The following CHST15 variants were observed in gnomAD, a reference collection of about 807,000 sequenced individuals.
The protein encoded by CHST15 is B cell RAG associated protein (GALNAC4S-6ST).
CHST15 carries 30 observed loss-of-function variants against 53.6 expected under a neutral mutation model. That is an observed-to-expected ratio of 0.56 (90% confidence interval 0.42 to 0.76). The LOEUF is 0.76. CHST15 is among the 30% of genes least tolerant of loss of function. CHST15 has a pLI of 0.00. For synonymous variants in CHST15, 296 were observed against 289.8 expected (o/e 1.02, Z -0.22); for missense variants, 627 against 740.5 (o/e 0.85, Z 1.78).
intron 1 of CHST15, among the ~76,000 whole-genome samples, chr10:124,080,120 G>A (rs538303544): frequency 6.6e-6 from 1 of 152,330 alleles, no homozygotes; most frequent in South Asian, 2.1e-4. Context: ...AGCAGCTGCA[G>A]GCCAGCGAGC....
chr10:124,025,335 C>T (rs4929830), intron 5 of CHST15, among the ~76,000 whole-genome samples: 48,538 of 152,102 alleles, frequency 0.32, 7,957 homozygotes, highest in East Asian at 0.48. Flanking sequence ...CTCACTACCT[C>T]ACTTCCTGTG....
chr10:124,026,569 G>T (rs1025652911), intron 5 of CHST15, among the ~76,000 whole-genome samples: 2 of 152,214 alleles, frequency 1.3e-5, no homozygotes, highest in Admixed American at 6.5e-5. Flanking sequence ...ATGAGGAAGT[G>T]GGGGAAGGAG....
Position 124,008,883 on chromosome 10 carries a change from A to T in CHST15, c.*1266T>A. 1 of 1,277,722 alleles carries T rather than the reference A, an allele frequency of 7.8e-7. No individual in the cohort carries two copies. Among genetic ancestry groups the T allele is most frequent in the Non-Finnish European group, 1.0e-6 (1 of 979,536 alleles). The allele number at this position is 1,277,722 out of a possible 1,614,324, so 79.1% of individuals were successfully genotyped here. On this transcript the variant is annotated 3_prime_UTR_variant, in exon 8 of 8. Transcript: ENST00000435907. ...TTCCCTGTGACTTCCAAGAAACGAC[A>T]AGATCTCTAGCCCATCCATCGGTAA...
intron 7 of CHST15, 96 bp from the exon 8 acceptor site, chr10:124,010,435 G>A: frequency 7.0e-7 from 1 of 1,438,812 alleles, no homozygotes; most frequent in Non-Finnish European, 9.1e-7. Context: ...TATTCAGACA[G>A]GAGTTTCCTT....
chr10:124,065,480 A>G (rs1309136762), intron 1 of CHST15, among the ~76,000 whole-genome samples: 2 of 152,166 alleles, frequency 1.3e-5, no homozygotes, highest in Non-Finnish European at 2.9e-5. Context: ...CTGTTTCTCC[A>G]TGACTTTCAG....
intron 7 of CHST15, chr10:124,010,619 G>A (rs1946384419): frequency 1.0e-6 from 1 of 985,322 alleles, no homozygotes; most frequent in South Asian, 4.7e-5. Context: ...GTCTAAGGCT[G>A]ACCTCAAGGA....
At chr10:124,086,693 C>T (rs1949440259) in intron 1 of CHST15, among the ~76,000 whole-genome samples, 1 of 152,010 alleles carries the variant, frequency 6.6e-6, no homozygotes, top group African/African-American at 2.4e-5. Context: ...TCCTCTATCT[C>T]TCCATAGGTT....
chr10:124,030,866 G>T (rs183038388), intron 5 of CHST15, among the ~76,000 whole-genome samples: 2 of 152,346 alleles, frequency 1.3e-5, no homozygotes, highest in South Asian at 4.1e-4. Flanking sequence ...GCATGAATCC[G>T]GCTCAGCTCC....
chr10:124,036,438 G>A lies in CHST15; in HGVS notation c.1190+2077C>T, dbSNP rs562568302. Among the ~76,000 whole-genome samples, 4 of 152,308 alleles carry A rather than the reference G, an allele frequency of 2.6e-5. No individual in the cohort carries two copies. The highest frequency in any genetic ancestry group is 9.6e-5 in the African/African-American group (4 of 41,564). On this transcript the variant is annotated intron_variant, in intron 5 of 7. Coordinates refer to ENST00000435907, the MANE Select transcript of CHST15 (RefSeq NM_001270764.2). The surrounding 1 kb of genome is among the most constrained non-coding windows in gnomAD (Gnocchi z 5.1). ...GGCACCTGCTAGAAGGCATGGCACC[G>A]GGACAGCCACCAAGAGCTCAGGCTC...
At chr10:124,055,531 G>A (rs1010164236) in intron 1 of CHST15, among the ~76,000 whole-genome samples, 1 of 152,122 alleles carries the variant, frequency 6.6e-6, no homozygotes, top group Non-Finnish European at 1.5e-5. Flanking sequence ...CTTATCTGAG[G>A]GGATGCCCTG....
Position 124,036,142 on chromosome 10 carries a change from G to C in CHST15, c.1190+2373C>G, listed in dbSNP as rs193166941. Among the ~76,000 whole-genome samples the C allele has an allele frequency of 2.0e-4, 30 of 152,356 alleles. No homozygotes were observed. In the East Asian group the frequency reaches 4.4e-3, roughly 23 times the overall value. ...GCGCCCTTCAGCTGGGGGCCGTGTC[G>C]GGGAGGGAGGCAGAGCAGCTATGCA... On this transcript the variant is annotated intron_variant, in intron 5 of 7. Transcript: ENST00000435907. The surrounding 1 kb of genome is among the most constrained non-coding windows in gnomAD (Gnocchi z 5.1).
intron 6 of CHST15, among the ~76,000 whole-genome samples, chr10:124,016,143 C>T (rs28378131): frequency 0.057 from 8,667 of 152,204 alleles, 395 homozygotes; most frequent in African/African-American, 0.11. Context: ...CTCTGAGCAC[C>T]CCTCAGGGTA....
In CHST15 at chr10:124,010,192, G is replaced by A. The variant is rs566025595; in HGVS notation, c.1643C>T (p.Ala548Val). The A allele has an allele frequency of 3.7e-6, 6 of 1,613,804 alleles. No homozygotes were observed. In the South Asian group the frequency reaches 5.5e-5, roughly 15 times the overall value. The part of the protein sequence containing the change: ...DFYRPFNARL[A>V]QVLADEAFAW... The stretch of plus-strand genomic sequence containing the variant: ...AAACGCCTCATCCGCGAGGACCTGC[G>A]CCAGCCTAGCGTTGAAGGGCCTGTA... Residue 548 changes from alanine (A) to valine (V), a missense_variant, in exon 8 of 8, where the codon GCG becomes GTG. This residue lies in a region of CHST15 where 279 missense variants were observed against 371.6 expected (regional missense o/e 0.75). Coordinates refer to ENST00000435907, the MANE Select transcript of CHST15 (RefSeq NM_001270764.2).
In CHST15 at chr10:124,012,389, T is replaced by A; in HGVS notation, c.1439A>T (p.Asp480Val). The change falls in exon 7 of 8, where the codon GAT becomes GTT. Residue 480 changes from aspartate to valine, a missense_variant. Asp to Val is a radical substitution (Grantham distance 152, BLOSUM62 -3). Coordinates refer to ENST00000435907, the MANE Select transcript of CHST15 (RefSeq NM_001270764.2). ...KQQFLILRLE[D>V]HASNVKYTMH... ...GGTGTACTTGACGTTGGATGCATGA[T>A]CTTCCAGGCGAAGAATGAGAAACTG... 1 of 1,614,044 alleles carries A rather than the reference T, an allele frequency of 6.2e-7. No individual in the cohort carries two copies. The highest frequency in any genetic ancestry group is 1.7e-5 in the Admixed American group (1 of 59,998).
intron 6 of CHST15, among the ~76,000 whole-genome samples, chr10:124,014,798 G>A (rs1590177457): frequency 1.3e-5 from 2 of 152,298 alleles, no homozygotes; most frequent in Non-Finnish European, 1.5e-5. Flanking sequence ...TAGTCTGTCC[G>A]AGCACCTGGC....
chr10:124,045,927 A>C lies in CHST15; in HGVS notation c.286T>G (p.Tyr96Asp), dbSNP rs754294487. ...LIIMTLVMAS[Y>D]ILSGAHQELL... Reference sequence around the variant, plus strand: ...TCTTGGTGGGCCCCAGAAAGGATGTAAGAAGCCATTACCAAGGTCATTATT... The same window carrying C: ...TCTTGGTGGGCCCCAGAAAGGATGTCAGAAGCCATTACCAAGGTCATTATT... Residue 96 changes from tyrosine to aspartate, a missense_variant, in exon 2 of 8, where the codon TAC becomes GAC. This residue lies in a region of CHST15 where 187 missense variants were observed against 251.8 expected (regional missense o/e 0.74). Transcript: ENST00000435907. The C allele has an allele frequency of 6.2e-7, 1 of 1,614,018 alleles. No individual in the cohort carries two copies. Among genetic ancestry groups the C allele is most frequent in the South Asian group, 1.1e-5 (1 of 91,058 alleles).
At chr10:124,057,083 A>C (rs1948410287) in intron 1 of CHST15, among the ~76,000 whole-genome samples, 1 of 152,216 alleles carries the variant, frequency 6.6e-6, no homozygotes, top group African/African-American at 2.4e-5. Flanking sequence ...CCAGCAAGGC[A>C]GGGAGCTACT....
Position 124,046,364 on chromosome 10 carries a change from C to T in CHST15, c.-152G>A, listed in dbSNP as rs1948006225. The T allele has an allele frequency of 2.9e-6, 2 of 679,132 alleles. No individual in the cohort carries two copies. Among genetic ancestry groups the T allele is most frequent in the East Asian group, 5.5e-5 (2 of 36,400 alleles). 42.1% of individuals were successfully genotyped at this position (679,132 alleles called of 1,614,324 possible). On this transcript the variant is annotated 5_prime_UTR_variant, in exon 2 of 8. The change creates a new upstream start codon in the 5' untranslated region. Coordinates refer to ENST00000435907, the MANE Select transcript of CHST15 (RefSeq NM_001270764.2). ...GCACAAATACAAAAATAAGCAGACA[C>T]CACAGCACTAGAGAAAGAGGGTGCA... is the stretch of plus-strand genomic sequence containing the variant.
chr10:124,020,439 ACCTGCTGCC>A (rs1260445110), intron 6 of CHST15: 11 of 985,380 alleles, frequency 1.1e-5, no homozygotes, highest in Non-Finnish European at 1.2e-5. Flanking sequence ...CTGGAATCCC[ACCTGCTGCC>A]CCTGCATGCT....
Sources: allele counts gnomAD v4.1 joint callset (sites outside exome capture counted in the v4.1 genomes callset), GRCh38; gene constraint gnomAD v4.1.1; regional missense constraint gnomAD v4.1.1; non-coding constraint Gnocchi (gnomAD v3.1); transcripts MANE v1.5; gene names NCBI Gene and HGNC (gene_info 2026-07-23, HGNC 2026-07-21).